Variants in OSBPL9 observed in about 807,000 individuals in gnomAD.
OSBPL9 encodes the protein oxysterol binding protein like 9, also known as oxysterol-binding protein-related protein 9.
Under a neutral mutation model 106.6 loss-of-function variants are expected in OSBPL9, and 40 were observed. The ratio of observed to expected loss-of-function variants is 0.38; its 90% CI spans 0.29 to 0.49. The LOEUF is 0.49. Ranked by LOEUF, OSBPL9 falls within the 20% of genes least tolerant of loss-of-function variation. The pLI is 0.97. For synonymous variants in OSBPL9, 269 were observed against 295.4 expected (o/e 0.91, Z 0.92); for missense variants, 609 against 887.2 (o/e 0.69, Z 3.98).
At chr1:51,782,810 T>G (rs1190822920) in intron 17 of OSBPL9, among the ~76,000 whole-genome samples, 167 bp downstream of exon 17, 1 of 152,214 alleles carries the variant, frequency 6.6e-6, no homozygotes, top group Non-Finnish European at 1.5e-5. Flanking sequence ...ATCTTTTCCT[T>G]TTGTAAGCTC....
At chr1:51,635,493 T>G (rs1645373705) in intron 1 of OSBPL9, among the ~76,000 whole-genome samples, 1 of 152,194 alleles carries the variant, frequency 6.6e-6, no homozygotes, top group African/African-American at 2.4e-5. Flanking sequence ...GCAGCCCCTC[T>G]GAGAATAGCT....
chr1:51,682,797 T>A (rs1001399175), intron 3 of OSBPL9, among the ~76,000 whole-genome samples: 2 of 151,454 alleles, frequency 1.3e-5, no homozygotes, highest in Non-Finnish European at 2.9e-5. Flanking sequence ...ATATACACAA[T>A]GGAATACTCT....
chr1:51,786,457 C>T, intron 21 of OSBPL9, 69 bp from the exon 22 acceptor site: 4 of 1,034,700 alleles, frequency 3.9e-6, no homozygotes, highest in Non-Finnish European at 5.9e-6. Flanking sequence ...GTCAAAAGCA[C>T]TACAATGCAT....
intron 2 of OSBPL9, among the ~76,000 whole-genome samples, chr1:51,608,646 A>C (rs1570541834): frequency 6.9e-6 from 1 of 144,640 alleles, no homozygotes; most frequent in Non-Finnish European, 1.5e-5. Flanking sequence ...TCTCCTGACC[A>C]TCATCTGATG....
rs952013125 is a variant in OSBPL9, at chr1:51,669,443, A to G, written c.172A>G (p.Ile58Val). The change falls in exon 3 of 24, where the codon ATT becomes GTT. Residue 58 changes from isoleucine to valine, a missense_variant. Physicochemically the swap from Ile to Val is conservative, Grantham distance 29. Around this residue, in one of 5 missense-constraint regions of OSBPL9, gnomAD observed 72 missense variants for 140.5 expected, o/e 0.51. Transcript: ENST00000428468. ...RGCVRLRGAV[I>V]GIDDEDDSTF... ...GCTCTTTGTTTCACAGGGAGCTGTGATTGGTATAGACGATGAGGACGACAG... is the reference window on the plus strand; with the variant it reads ...GCTCTTTGTTTCACAGGGAGCTGTGGTTGGTATAGACGATGAGGACGACAG... The G allele has an allele frequency of 1.2e-5, 19 of 1,613,780 alleles. No individual in the cohort carries two copies. The highest frequency in any genetic ancestry group is 1.5e-5 in the Non-Finnish European group (18 of 1,179,922).
chr1:51,645,639 G>C (rs1371022127), intron 1 of OSBPL9, among the ~76,000 whole-genome samples: 2 of 151,986 alleles, frequency 1.3e-5, no homozygotes, highest in Non-Finnish European at 2.9e-5. Context: ...TAATTTTGAT[G>C]ATGCCCAGTT....
At chr1:51,617,353 T>C in intron 1 of OSBPL9, 132 bp downstream of exon 1, 1 of 895,974 alleles carries the variant, frequency 1.1e-6, no homozygotes, top group African/African-American at 1.7e-5. Context: ...AGGGTTCCCT[T>C]GTTGGGGAGG....
upstream of OSBPL9, among the ~76,000 whole-genome samples, chr1:51,573,455 C>A (rs1276128122): frequency 6.9e-6 from 1 of 145,312 alleles, no homozygotes; most frequent in Non-Finnish European, 1.5e-5. Flanking sequence ...TTGTGGTGAG[C>A]CGAGATTGTA....
At chr1:51,672,832 G>T (rs894528673) in intron 3 of OSBPL9, among the ~76,000 whole-genome samples, 4 of 152,152 alleles carry the variant, frequency 2.6e-5, no homozygotes, top group Non-Finnish European at 5.9e-5. Context: ...TTTTGGGAGG[G>T]TGAGGGAAAT....
chr1:51,528,479 G>A, the OSBPL9 span, among the ~76,000 whole-genome samples: 1 of 152,080 alleles, frequency 6.6e-6, no homozygotes, highest in African/African-American at 2.4e-5. Context: ...AGGAGGCGGA[G>A]GTTGCAGTGA....
At chr1:51,753,460 A>G (rs1177187937) in intron 8 of OSBPL9, among the ~76,000 whole-genome samples, 1 of 152,206 alleles carries the variant, frequency 6.6e-6, no homozygotes, top group African/African-American at 2.4e-5. Context: ...GCAAATTTTA[A>G]AGTGACAGTA....
At chr1:51,747,713 A>G (rs1241027320) in intron 6 of OSBPL9, among the ~76,000 whole-genome samples, 1 of 152,190 alleles carries the variant, frequency 6.6e-6, no homozygotes, top group East Asian at 1.9e-4. Context: ...GGAAAGATAA[A>G]TGTGATTTTA....
chr1:51,549,755 C>A, the OSBPL9 span, among the ~76,000 whole-genome samples: 26 of 152,328 alleles, frequency 1.7e-4, 1 homozygote, highest in East Asian at 4.8e-3. Context: ...ATGGCTTAAA[C>A]CCTGGAGGTG....
intron 2 of OSBPL9, among the ~76,000 whole-genome samples, chr1:51,608,003 G>A (rs1034817843): frequency 2.0e-5 from 3 of 152,208 alleles, no homozygotes; most frequent in Non-Finnish European, 4.4e-5. Context: ...GGGGCAGGCT[G>A]TCCGCATGCA....
At chr1:51,642,239 G>A (rs1265813440) in intron 1 of OSBPL9, among the ~76,000 whole-genome samples, 4 of 152,134 alleles carry the variant, frequency 2.6e-5, no homozygotes, top group East Asian at 1.9e-4. Context: ...ACGTGTCTCC[G>A]TCCTATCATT....
chr1:51,722,184 T>TAGATAGAC, intron 4 of OSBPL9, among the ~76,000 whole-genome samples: 1 of 151,800 alleles, frequency 6.6e-6, no homozygotes, highest in Middle Eastern at 3.4e-3. Flanking sequence ...GATAGATAGA[T>TAGATAGAC]AGATAGATAG....
chr1:51,557,968 A>G, the OSBPL9 span, among the ~76,000 whole-genome samples: 2 of 152,244 alleles, frequency 1.3e-5, no homozygotes, highest in Admixed American at 1.3e-4. Context: ...CCATAGGCCA[A>G]ACTAACTATA....
intron 1 of OSBPL9, chr1:51,598,102 T>C (rs1645311612): frequency 6.6e-6 from 1 of 152,242 alleles, no homozygotes; most frequent in African/African-American, 2.4e-5. Context: ...TATAAACAAC[T>C]ATTGTTTTCC....
At chr1:51,725,332 A>G (rs1457652585) in intron 4 of OSBPL9, among the ~76,000 whole-genome samples, 4 of 151,992 alleles carry the variant, frequency 2.6e-5, no homozygotes, top group Non-Finnish European at 5.9e-5. Flanking sequence ...CTGTTCTTGC[A>G]TGGTTTCTAC....
Sources: gnomAD v4.1 joint callset for allele counts (sites outside exome capture counted in the v4.1 genomes callset) on GRCh38, gnomAD v4.1.1 for gene constraint, gnomAD v4.1.1 regional missense constraint, MANE v1.5 for transcripts, NCBI Gene and HGNC (gene_info 2026-07-23, HGNC 2026-07-21) for gene names.